Variants in IQSEC1 observed in about 807,000 individuals in gnomAD.
IQSEC1 encodes IQ motif and Sec7 domain ArfGEF 1.
Under a neutral mutation model 91.0 loss-of-function variants are expected in IQSEC1, and 31 were observed. That is an observed-to-expected ratio of 0.34 (90% CI 0.26 to 0.46). The LOEUF is 0.46. IQSEC1 is among the 20% of genes least tolerant of loss of function. IQSEC1 has a pLI of 1.00. For synonymous variants in IQSEC1, 699 were observed against 662.6 expected (o/e 1.05, Z -0.84); for missense variants, 1,388 against 1,575.6 (o/e 0.88, Z 2.02).
chr3:13,275,507 C>T (rs1695661186), intron 1 of IQSEC1, among the ~76,000 whole-genome samples: 2 of 152,188 alleles, frequency 1.3e-5, no homozygotes, highest in African/African-American at 2.4e-5. Context: ...ACCGCCCAGC[C>T]CCTCACACAC....
At chr3:13,009,737 G>A (rs1455731489) in intron 1 of IQSEC1, among the ~76,000 whole-genome samples, 1 of 151,826 alleles carries the variant, frequency 6.6e-6, no homozygotes, top group Non-Finnish European at 1.5e-5. Flanking sequence ...TCTATATAAG[G>A]AAACAACAAC....
In IQSEC1 at chr3:13,199,670, G is replaced by A. The variant is rs1352060070; in HGVS notation, c.273-35537C>T. Among the ~76,000 whole-genome samples the A allele has an allele frequency of 5.3e-5, 8 of 152,210 alleles. 1 individual carries two copies. The East Asian group carries it at 5.8e-4, about 11-fold the overall frequency. ...GCCCCATATAGGCTTCCTGCGCCAC[G>A]GCCTGGAGTGGCCCCTGAGGCCCTT... On this transcript the variant is annotated intron_variant, in intron 1 of 15. Transcript: ENST00000648114.
intron 1 of IQSEC1, among the ~76,000 whole-genome samples, chr3:13,247,904 C>T (rs1489017772): frequency 6.6e-6 from 1 of 152,186 alleles, no homozygotes; most frequent in Non-Finnish European, 1.5e-5. Context: ...ACTTACTGGG[C>T]CTGTCTTCCT....
At chr3:13,006,825 G>C (rs1180999711) in intron 1 of IQSEC1, among the ~76,000 whole-genome samples, 2 of 152,220 alleles carry the variant, frequency 1.3e-5, no homozygotes, top group Non-Finnish European at 2.9e-5. Flanking sequence ...TTTAAACAGA[G>C]CAGAAACCCA....
Position 12,936,188 on chromosome 3 carries a change from G to A in IQSEC1, c.828C>T (p.His276=), listed in dbSNP as rs1432199350. ...EPQTALHGMD[H]RKLDEMTASY... The stretch of plus-strand genomic sequence containing the variant: ...AGGCCGTCATCTCGTCCAGTTTGCG[G>A]TGGTCCATGCCGTGCAGGGCTGTCT... Residue 276 remains histidine (H), a synonymous_variant, in exon 3 of 14, where the codon CAC becomes CAT. Coordinates refer to ENST00000613206, the MANE Select transcript of IQSEC1 (RefSeq NM_001134382.3). 1 of 1,613,016 alleles carries A rather than the reference G, an allele frequency of 6.2e-7. No individual in the cohort carries two copies. The highest frequency in any genetic ancestry group is 1.3e-5 in the African/African-American group (1 of 75,054).
intron 1 of IQSEC1, among the ~76,000 whole-genome samples, chr3:12,989,169 G>T (rs1701875935): frequency 6.6e-6 from 1 of 152,190 alleles, no homozygotes; most frequent in Non-Finnish European, 1.5e-5. Flanking sequence ...TATGTATTGT[G>T]GGTCTCTTGC....
chr3:13,078,212 G>A (rs1004860098), upstream of IQSEC1, among the ~76,000 whole-genome samples: 2 of 152,176 alleles, frequency 1.3e-5, no homozygotes, highest in Admixed American at 6.5e-5. Context: ...GTGAACACAT[G>A]AGCAGAGGGC....
At chr3:13,238,331 C>T (rs1300910560) in intron 1 of IQSEC1, among the ~76,000 whole-genome samples, 3 of 152,202 alleles carry the variant, frequency 2.0e-5, no homozygotes, top group Non-Finnish European at 2.9e-5. Context: ...TGGCGTCCTC[C>T]CCTTGCACTT....
chr3:12,933,742 C>A (rs1468051710), intron 3 of IQSEC1, among the ~76,000 whole-genome samples: 1 of 152,204 alleles, frequency 6.6e-6, no homozygotes, highest in Non-Finnish European at 1.5e-5. Context: ...TAGAAGTGCA[C>A]ACAAATGCAC....
intron 2 of IQSEC1, among the ~76,000 whole-genome samples, chr3:13,136,155 C>T (rs976747752): frequency 7.2e-5 from 11 of 152,300 alleles, no homozygotes; most frequent in African/African-American, 2.2e-4. Flanking sequence ...TGGCTGAGGG[C>T]GCTTTCAAGC....
chr3:12,912,556 C>T (rs1325654430), intron 9 of IQSEC1, among the ~76,000 whole-genome samples: 2 of 150,782 alleles, frequency 1.3e-5, no homozygotes, highest in African/African-American at 4.9e-5. Flanking sequence ...CCCAGCTACT[C>T]GGGAGGCTGA....
intron 2 of IQSEC1, among the ~76,000 whole-genome samples, chr3:13,105,359 C>T (rs1325015848): frequency 6.6e-6 from 1 of 152,172 alleles, no homozygotes; most frequent in Non-Finnish European, 1.5e-5. Context: ...CCTGGCCACA[C>T]ATCCCAGGGT....
chr3:12,911,235 C>G (rs1031324458), intron 10 of IQSEC1, among the ~76,000 whole-genome samples: 3 of 152,220 alleles, frequency 2.0e-5, no homozygotes, highest in Non-Finnish European at 1.5e-5. Flanking sequence ...CTGAGGGGCT[C>G]AGTTCTTCAC....
At chr3:12,903,313 C>G (rs1244043444) in intron 12 of IQSEC1, among the ~76,000 whole-genome samples, 1 of 152,112 alleles carries the variant, frequency 6.6e-6, no homozygotes, top group African/African-American at 2.4e-5. Flanking sequence ...ATGCCCCCAC[C>G]TCCTTGGCAG....
Position 12,935,749 on chromosome 3 carries a change from ACTCAGG to A in IQSEC1, c.1261_1266del (p.Pro421_Glu422del). The stretch of plus-strand genomic sequence containing the variant: ...AGGGGCCTGGGGGGCCGGGGCCGCA[ACTCAGG>A]CTCCTCCCGGGGGAGGCTCTTGGGG... On this transcript the variant is annotated inframe_deletion, in exon 3 of 14. Coordinates refer to ENST00000613206, the MANE Select transcript of IQSEC1 (RefSeq NM_001134382.3). The surrounding 1 kb of genome is among the most constrained non-coding windows in gnomAD (Gnocchi z 8.0). The A allele has an allele frequency of 6.2e-7, 1 of 1,608,100 alleles. No individual in the cohort carries two copies. The highest frequency in any genetic ancestry group is 8.5e-7 in the Non-Finnish European group (1 of 1,179,276).
chr3:13,067,558 G>A lies in IQSEC1; in HGVS notation c.23+5434C>T, dbSNP rs79784399. Among the ~76,000 whole-genome samples the A allele has an allele frequency of 7.0e-4, 107 of 152,302 alleles. 4 individuals carry two copies. In the East Asian group the frequency reaches 0.016, roughly 23 times the overall value. On this transcript the variant is annotated intron_variant, in intron 1 of 13. Coordinates refer to ENST00000613206, the MANE Select transcript of IQSEC1 (RefSeq NM_001134382.3). ...GGGGTGGGGAGGGACAGAGCCTTGC[G>A]GCCAAGAGATCTGGAACCTGCTCAG...
At chr3:13,014,365 G>A (rs781665683) in intron 1 of IQSEC1, among the ~76,000 whole-genome samples, 7 of 152,216 alleles carry the variant, frequency 4.6e-5, no homozygotes, top group Non-Finnish European at 1.0e-4. Flanking sequence ...GGAAACCCAG[G>A]CCCAGAGATG....
rs140864299 is a variant in IQSEC1, at chr3:13,164,266, G to A, written c.273-133C>T. ...CCCTCCCCAGCCTCAGCAGACATCC[G>A]CAGGCCCAATCCTCCGGGGTCTCTT... On this transcript the variant is annotated intron_variant, in intron 1 of 15. Transcript: ENST00000648114. Among the ~76,000 whole-genome samples the A allele has an allele frequency of 3.3e-3, 496 of 152,200 alleles. 6 individuals carry two copies. The highest frequency in any genetic ancestry group is 0.011 in the African/African-American group (470 of 41,514).
At chr3:13,242,402 C>T (rs1247275032) in intron 1 of IQSEC1, among the ~76,000 whole-genome samples, 1 of 152,172 alleles carries the variant, frequency 6.6e-6, no homozygotes, top group East Asian at 1.9e-4. Flanking sequence ...CTCACAGTAC[C>T]CCCAAGAGCA....
Sources: gnomAD v4.1 joint callset for allele counts (sites outside exome capture counted in the v4.1 genomes callset) on GRCh38, gnomAD v4.1.1 for gene constraint, Gnocchi (gnomAD v3.1) non-coding constraint, MANE v1.5 for transcripts, NCBI Gene and HGNC (gene_info 2026-07-23, HGNC 2026-07-21) for gene names.